Variants in RYR2 observed in about 807,000 individuals in gnomAD.
RYR2 encodes cardiac muscle ryanodine receptor-calcium release channel.
Under a neutral mutation model 601.1 loss-of-function variants are expected in RYR2, and 227 were observed. The ratio of observed to expected loss-of-function variants is 0.38; its 90% confidence interval spans 0.34 to 0.42. The LOEUF (loss-of-function observed/expected upper bound fraction) is 0.42, where lower values mean the gene tolerates loss of function less well. RYR2 is among the 10% of genes least tolerant of loss of function. The pLI is 1.00. For synonymous variants in RYR2, 2,223 were observed against 2,175.1 expected, an observed-to-expected ratio of 1.02 and a Z score of -0.61; for missense variants, 4,646 against 6,156.5, an observed-to-expected ratio of 0.75 and a Z score of 8.21.
chr1:237,486,054 T>G lies in RYR2; in HGVS notation c.1709-5752T>G, dbSNP rs142699758. On this transcript the variant is annotated intron_variant, in intron 17 of 104. Coordinates refer to ENST00000366574, the MANE Select transcript of RYR2 (RefSeq NM_001035.3). The stretch of plus-strand genomic sequence containing the variant: ...GAGATAAATTTGGACACAGGATTAA[T>G]GAATTTTAACAATTAGATTTAGGAA... Among the ~76,000 whole-genome samples the G allele has an allele frequency of 3.3e-3, 505 of 152,294 alleles. 8 individuals carry two copies. Among genetic ancestry groups the G allele is most frequent in the Non-Finnish European group, 2.2e-3 (147 of 68,034 alleles).
At chr1:237,585,548 G>T (rs1473288695) in intron 29 of RYR2, among the ~76,000 whole-genome samples, 1 of 152,118 alleles carries the variant, frequency 6.6e-6, no homozygotes, top group Non-Finnish European at 1.5e-5. Flanking sequence ...TCTCCACTCT[G>T]TCTTCTTTGA....
intron 1 of RYR2, among the ~76,000 whole-genome samples, chr1:237,257,384 G>C (rs1210451194): frequency 6.6e-6 from 1 of 152,050 alleles, no homozygotes; most frequent in Non-Finnish European, 1.5e-5. Flanking sequence ...TATATGATAG[G>C]TATAAGTTGA....
intron 61 of RYR2, among the ~76,000 whole-genome samples, chr1:237,679,970 G>A (rs1046991776): frequency 3.3e-5 from 5 of 152,154 alleles, no homozygotes; most frequent in Non-Finnish European, 7.3e-5. Context: ...GAAAGGCCAG[G>A]TTAAAAGAAT....
intron 3 of RYR2, among the ~76,000 whole-genome samples, chr1:237,351,010 T>C (rs985575530): frequency 2.0e-5 from 3 of 152,092 alleles, no homozygotes; most frequent in Non-Finnish European, 4.4e-5. Context: ...AAATTGATTA[T>C]GGAGGAAGTA....
intron 2 of RYR2, among the ~76,000 whole-genome samples, chr1:237,322,573 A>G (rs990345039): frequency 6.6e-5 from 10 of 152,184 alleles, no homozygotes; most frequent in Admixed American, 3.3e-4. Flanking sequence ...TCCCTGTCAC[A>G]GAACTCCCTA....
chr1:237,333,444 G>A (rs1028571616), intron 3 of RYR2, among the ~76,000 whole-genome samples: 1 of 152,186 alleles, frequency 6.6e-6, no homozygotes, highest in African/African-American at 2.4e-5. Context: ...AGTTCTGGAG[G>A]CCTCTATTGT....
At chr1:237,813,079 C>A (rs1661423485) in intron 100 of RYR2, among the ~76,000 whole-genome samples, 1 of 152,150 alleles carries the variant, frequency 6.6e-6, no homozygotes, top group Admixed American at 6.5e-5. Flanking sequence ...CCTTCATCTC[C>A]TCTTCCATGC....
In RYR2 at chr1:237,778,746, C is replaced by G. The variant is rs888356763; in HGVS notation, c.11856C>G (p.Ala3952=). 6.2e-7 allele frequency: 1 copy of G among 1,606,510 alleles called. No individual in the cohort carries two copies. The part of the protein sequence containing the change: ...DAVVGFLHVF[A]HMQMKLSQDS... ...TGGTCGGCTTTCTTCATGTGTTTGC[C>G]CATATGCAGATGAAGCTGTCGCAGG... The change falls in exon 88 of 105, where the codon GCC becomes GCG. Residue 3952 remains alanine (A), a synonymous_variant. Coordinates refer to ENST00000366574, the MANE Select transcript of RYR2 (RefSeq NM_001035.3).
intron 52 of RYR2, among the ~76,000 whole-genome samples, chr1:237,655,232 T>A (rs1296897731): frequency 1.3e-5 from 2 of 152,182 alleles, no homozygotes; most frequent in Non-Finnish European, 2.9e-5. Context: ...TAAAGTGAAA[T>A]AAATTATTAC....
chr1:237,093,375 A>T (rs767081015), intron 1 of RYR2, among the ~76,000 whole-genome samples: 1 of 152,180 alleles, frequency 6.6e-6, no homozygotes, highest in Non-Finnish European at 1.5e-5. Flanking sequence ...GAGAATAGAA[A>T]TAGAGGGCAG....
intron 12 of RYR2, among the ~76,000 whole-genome samples, chr1:237,430,412 T>C (rs1324854318): frequency 1.3e-5 from 2 of 151,944 alleles, no homozygotes; most frequent in African/African-American, 4.8e-5. Flanking sequence ...GTTGTAATAT[T>C]AAAGGTATTA....
chr1:237,281,114 G>T (rs1042263010), intron 2 of RYR2, among the ~76,000 whole-genome samples: 2 of 152,120 alleles, frequency 1.3e-5, no homozygotes, highest in African/African-American at 4.8e-5. Context: ...ATGCATTTAT[G>T]CTGGTATCCA....
At chr1:237,525,483 C>T (rs1220107603) in intron 24 of RYR2, among the ~76,000 whole-genome samples, 1 of 151,768 alleles carries the variant, frequency 6.6e-6, no homozygotes, top group East Asian at 2.0e-4. Context: ...CAGAGTCTTG[C>T]TCTGTTGCCT....
At chr1:237,480,378 C>CAAAAA (rs61271895) in intron 17 of RYR2, among the ~76,000 whole-genome samples, 16 of 57,616 alleles carry the variant, frequency 2.8e-4, no homozygotes, top group East Asian at 5.7e-4. Context: ...AAGATCATCT[C>CAAAAA]AAAAAAAAAA....
chr1:237,727,421 C>G (rs1437752506), intron 76 of RYR2, among the ~76,000 whole-genome samples: 2 of 152,080 alleles, frequency 1.3e-5, no homozygotes, highest in Middle Eastern at 3.2e-3. Flanking sequence ...AATATCTGCT[C>G]ACATATGTGA....
rs193026344 is a variant in RYR2, at chr1:237,132,037, T to G, written c.48+89468T>G. 2.8e-3 allele frequency among the ~76,000 whole-genome samples: 434 copies of G among 152,334 alleles called. 6 individuals are homozygous for G. The highest frequency in any genetic ancestry group is 0.01 in the African/African-American group (418 of 41,582). On this transcript the variant is annotated intron_variant, in intron 1 of 104. Transcript: ENST00000366574. ...CCGTGTCTGGCCCAAGTATTCATAA[T>G]CTTGCATACTTTCTTCACACACTGA...
intron 1 of RYR2, among the ~76,000 whole-genome samples, chr1:237,102,506 C>T (rs1226437576): frequency 1.3e-5 from 2 of 152,164 alleles, no homozygotes; most frequent in African/African-American, 4.8e-5. Context: ...AGGAAATAAA[C>T]ACTCAGATGT....
chr1:237,102,049 G>A (rs551665346), intron 1 of RYR2, among the ~76,000 whole-genome samples: 16 of 152,306 alleles, frequency 1.1e-4, no homozygotes, highest in African/African-American at 2.9e-4. Flanking sequence ...GGACTGTGGT[G>A]TGTGTGAAAG....
intron 1 of RYR2, among the ~76,000 whole-genome samples, chr1:237,137,102 A>G (rs1328030115): frequency 6.6e-6 from 1 of 151,716 alleles, no homozygotes; most frequent in Non-Finnish European, 1.5e-5. Flanking sequence ...TTCATGGGCT[A>G]TACTATGGAC....
Sources: gnomAD v4.1 joint callset for allele counts (sites outside exome capture counted in the v4.1 genomes callset) on GRCh38, gnomAD v4.1.1 for gene constraint, MANE v1.5 for transcripts, NCBI Gene and HGNC (gene_info 2026-07-23, HGNC 2026-07-21) for gene names.